GSN: variants seen among roughly 807,000 people sequenced by gnomAD.
The protein encoded by GSN is actin-depolymerizing factor.
In GSN, 56 loss-of-function variants were observed where a neutral mutation model predicts 85.7. The ratio of observed to expected loss-of-function variants is 0.65; its 90% CI spans 0.53 to 0.82. The LOEUF (loss-of-function observed/expected upper bound fraction) is 0.82, where lower values mean the gene tolerates loss of function less well. GSN is among the 40% of genes least tolerant of loss of function. GSN has a pLI of 0.00. For missense variants in GSN, 857 were observed against 979.8 expected (o/e 0.87, Z 1.67); for synonymous variants, 373 against 399.1 (o/e 0.93, Z 0.78).
rs1010320407 is a variant in GSN, at chr9:121,303,444, A to G, written c.351+379A>G. Among the ~76,000 whole-genome samples the G allele has an allele frequency of 1.5e-4, 23 of 152,218 alleles. 1 individual carries two copies. The highest frequency in any genetic ancestry group is 4.3e-4 in the African/African-American group (18 of 41,454). ...ACCCCTTAATTCTTAAGGCCTTGCCAACAGAGGGCCCCGTGTTAAGTATTT... is the reference window on the plus strand; with the variant it reads ...ACCCCTTAATTCTTAAGGCCTTGCCGACAGAGGGCCCCGTGTTAAGTATTT... On this transcript the variant is annotated intron_variant, in intron 4 of 17. Transcript: ENST00000432226.
intron 4 of GSN, among the ~76,000 whole-genome samples, chr9:121,224,753 A>AG (rs1286408917): frequency 6.6e-6 from 1 of 151,500 alleles, no homozygotes; most frequent in Non-Finnish European, 1.5e-5. Context: ...AAAAAAAAAA[A>AG]AAAAGAAAAG....
intron 4 of GSN, among the ~76,000 whole-genome samples, chr9:121,216,477 C>T (rs1383312332): frequency 6.6e-6 from 1 of 152,226 alleles, no homozygotes; most frequent in Non-Finnish European, 1.5e-5. Context: ...CAGACATTCA[C>T]TGGCCAAGAC....
intron 4 of GSN, among the ~76,000 whole-genome samples, chr9:121,226,762 G>C (rs1199565275): frequency 1.3e-5 from 2 of 152,108 alleles, no homozygotes; most frequent in Non-Finnish European, 2.9e-5. Context: ...TTTCAATAAG[G>C]CAACTCTTAT....
chr9:121,309,691 C>G (rs2060849136), intron 4 of GSN: 1 of 152,070 alleles, frequency 6.6e-6, no homozygotes, highest in Non-Finnish European at 1.5e-5. Context: ...GGTTCTTGGG[C>G]TGGGTTCAGT....
In GSN at chr9:121,332,165, G is replaced by T. The variant is rs918742718; in HGVS notation, c.2027-269G>T. 6.6e-6 allele frequency among the ~76,000 whole-genome samples: 1 copy of T among 152,202 alleles called. No homozygotes were observed. Among genetic ancestry groups the T allele is most frequent in the Non-Finnish European group, 1.5e-5 (1 of 68,038 alleles). On this transcript the variant is annotated intron_variant, in intron 17 of 17. Coordinates refer to ENST00000432226, the MANE Select transcript of GSN (RefSeq NM_198252.3). This position sits in a 1 kb window ranked among gnomAD's most constrained non-coding sequence, Gnocchi z 4.8. Reference sequence around the variant, plus strand: ...AGTTGGTTCCCATATCTTCCAGTAGGGGACTGCAAGGGAAAGTAATAAGCT... The same window carrying T: ...AGTTGGTTCCCATATCTTCCAGTAGTGGACTGCAAGGGAAAGTAATAAGCT...
intron 12 of GSN, 34 bp from the exon 13 acceptor site, chr9:121,326,478 A>G (rs373793891): frequency 5.0e-6 from 8 of 1,593,916 alleles, no homozygotes; most frequent in Non-Finnish European, 5.2e-6. Context: ...CCTGCCCCCA[A>G]GGTCCCTGAC....
At chr9:121,214,778 C>T (rs1373450562) in intron 4 of GSN, among the ~76,000 whole-genome samples, 1 of 152,166 alleles carries the variant, frequency 6.6e-6, no homozygotes, top group Non-Finnish European at 1.5e-5. Context: ...CTCTTCTGGA[C>T]CTCTGTTGTA....
At chr9:121,291,211 A>G (rs903616386) in intron 2 of GSN, among the ~76,000 whole-genome samples, 3 of 152,168 alleles carry the variant, frequency 2.0e-5, no homozygotes, top group African/African-American at 7.2e-5. Flanking sequence ...TTTACATTGT[A>G]TTAGGTTTTA....
At chr9:121,297,365 A>T (rs1034417137) in intron 2 of GSN, among the ~76,000 whole-genome samples, 9 of 152,188 alleles carry the variant, frequency 5.9e-5, no homozygotes, top group African/African-American at 1.9e-4. Flanking sequence ...TTAATTGGTT[A>T]TATAATCTTC....
intron 4 of GSN, among the ~76,000 whole-genome samples, chr9:121,307,836 C>T (rs1401297579): frequency 6.6e-6 from 1 of 151,912 alleles, no homozygotes; most frequent in African/African-American, 2.4e-5. Flanking sequence ...GGTCTCAGAA[C>T]CCTCCTGTCT....
chr9:121,213,549 G>A (rs1271216100), intron 4 of GSN, among the ~76,000 whole-genome samples: 1 of 152,236 alleles, frequency 6.6e-6, no homozygotes, highest in African/African-American at 2.4e-5. Context: ...CCAGAAGAAA[G>A]TGAAGAAGTT....
chr9:121,280,925 T>C (rs2132582414), intron 1 of GSN: 1 of 152,512 alleles, frequency 6.6e-6, no homozygotes, highest in South Asian at 2.1e-4. Context: ...AAGCATGATA[T>C]CTCTAATGAA....
At chr9:121,298,095 T>C (rs2059385523) in intron 2 of GSN, among the ~76,000 whole-genome samples, 1 of 152,074 alleles carries the variant, frequency 6.6e-6, no homozygotes, top group Admixed American at 6.5e-5. Flanking sequence ...CAGGTATCCC[T>C]CTGGGGCCCC....
At chr9:121,244,918 A>G (rs779147591) in intron 5 of GSN, among the ~76,000 whole-genome samples, 61 of 152,304 alleles carry the variant, frequency 4.0e-4, no homozygotes, top group Middle Eastern at 3.4e-3. Flanking sequence ...AAAGGAAGGT[A>G]CAGGGATGGA....
chr9:121,223,301 C>T (rs2054206275), intron 4 of GSN, among the ~76,000 whole-genome samples: 1 of 151,976 alleles, frequency 6.6e-6, no homozygotes, highest in Admixed American at 6.6e-5. Context: ...CCTAACATTC[C>T]GAGTGAGAGG....
chr9:121,229,474 C>T (rs1296515008), intron 4 of GSN, among the ~76,000 whole-genome samples: 3 of 152,200 alleles, frequency 2.0e-5, no homozygotes, highest in African/African-American at 7.2e-5. Context: ...CCCGCCTCAG[C>T]TTCCCAAAGT....
intron 5 of GSN, among the ~76,000 whole-genome samples, chr9:121,235,606 G>A (rs141042177): frequency 7.2e-5 from 11 of 152,324 alleles, no homozygotes; most frequent in Middle Eastern, 3.4e-3. Flanking sequence ...GGCAGCTTTG[G>A]TTCTTTGTCG....
chr9:121,324,525 C>G (rs11790570), intron 11 of GSN, 29 bp from the exon 12 acceptor site: 1 of 1,200,454 alleles, frequency 8.3e-7, no homozygotes, highest in South Asian at 1.3e-5. Flanking sequence ...TGTGTGCACC[C>G]TGATGCTGAA....
At chr9:121,303,947 T>C (rs1382268286) in intron 4 of GSN, among the ~76,000 whole-genome samples, 2 of 152,306 alleles carry the variant, frequency 1.3e-5, no homozygotes, top group African/African-American at 4.8e-5. Context: ...TCTTAAGCAA[T>C]TGGCCCAGAG....
Sources: allele counts gnomAD v4.1 joint callset (sites outside exome capture counted in the v4.1 genomes callset), GRCh38; gene constraint gnomAD v4.1.1; non-coding constraint Gnocchi (gnomAD v3.1); transcripts MANE v1.5; gene names NCBI Gene and HGNC (gene_info 2026-07-23, HGNC 2026-07-21).